PIK3C2G: variants seen among roughly 807,000 people sequenced by gnomAD.
The protein encoded by PIK3C2G is phosphatidylinositol-4-phosphate 3-kinase catalytic subunit type 2 gamma.
Under a neutral mutation model 181.1 loss-of-function variants are expected in PIK3C2G, and 168 were observed. The observed-to-expected ratio is 0.93, with a 90% confidence interval of 0.82 to 1.05. The LOEUF (loss-of-function observed/expected upper bound fraction) is 1.05, where lower values mean the gene tolerates loss of function less well. PIK3C2G is among the 50% of genes least tolerant of loss of function. PIK3C2G has a pLI of 0.00. For synonymous variants in PIK3C2G, 573 were observed against 592.2 expected, an observed-to-expected ratio of 0.97 and a Z score of 0.47; for missense variants, 1,869 against 1,732.8, an observed-to-expected ratio of 1.08 and a Z score of -1.40.
chr12:18,435,383 C>A (rs1946392744), intron 18 of PIK3C2G, among the ~76,000 whole-genome samples: 1 of 152,092 alleles, frequency 6.6e-6, no homozygotes, highest in Admixed American at 6.6e-5. Flanking sequence ...TCTTACCTAT[C>A]CCCAGTCCAT....
intron 22 of PIK3C2G, 104 bp from the exon 23 acceptor site, chr12:18,503,177 A>G: frequency 1.4e-6 from 1 of 704,632 alleles, no homozygotes; most frequent in Non-Finnish European, 2.2e-6. Flanking sequence ...TGAAAAGGAA[A>G]GGGGTAATCC....
intron 13 of PIK3C2G, among the ~76,000 whole-genome samples, chr12:18,381,018 T>A (rs564272161): frequency 6.6e-6 from 1 of 152,204 alleles, no homozygotes; most frequent in South Asian, 2.1e-4. Context: ...ACTGGAACAT[T>A]TTACTGATAT....
chr12:18,329,695 A>G (rs1378461372), intron 8 of PIK3C2G, among the ~76,000 whole-genome samples: 1 of 152,044 alleles, frequency 6.6e-6, no homozygotes, highest in Non-Finnish European at 1.5e-5. Context: ...TTGAAATAAT[A>G]TCACGAGGTT....
upstream of PIK3C2G, among the ~76,000 whole-genome samples, chr12:18,242,982 C>G (rs1290282173): frequency 6.6e-6 from 1 of 152,068 alleles, no homozygotes; most frequent in East Asian, 1.9e-4. Context: ...ACGAAACGAG[C>G]CTCTGACCTT....
Position 18,390,025 on chromosome 12 carries a change from G to A in PIK3C2G, c.1996-1097G>A, listed in dbSNP as rs536162553. On this transcript the variant is annotated intron_variant, in intron 14 of 32. Transcript: ENST00000538779. ...TAAGGTACCAAAGTTCATCTTTCAAGATTAATCTTTGTCAAGAGGCAAACT... is the reference window on the plus strand; with the variant it reads ...TAAGGTACCAAAGTTCATCTTTCAAAATTAATCTTTGTCAAGAGGCAAACT... Among the ~76,000 whole-genome samples, 12 of 152,234 alleles carry A rather than the reference G, an allele frequency of 7.9e-5. No individual in the cohort carries two copies. The East Asian group carries it at 2.3e-3, about 29-fold the overall frequency.
At chr12:18,427,281 G>A (rs187529634) in intron 18 of PIK3C2G, among the ~76,000 whole-genome samples, 121 of 151,790 alleles carry the variant, frequency 8.0e-4, no homozygotes, top group African/African-American at 2.8e-3. Context: ...CAAGGCTGGT[G>A]GATCACCTGA....
intron 26 of PIK3C2G, among the ~76,000 whole-genome samples, chr12:18,554,574 A>G (rs1944902345): frequency 6.6e-6 from 1 of 152,068 alleles, no homozygotes; most frequent in African/African-American, 2.4e-5. Context: ...CATAGAAATG[A>G]ATTGTTTTAT....
At chr12:18,391,352 C>T in intron 15 of PIK3C2G, 100 bp downstream of exon 15, 1 of 807,544 alleles carries the variant, frequency 1.2e-6, no homozygotes, top group Non-Finnish European at 1.8e-6. Context: ...GTGTTCCTTC[C>T]TACATAACTG....
At chr12:18,470,518 T>A (rs73068575) in intron 18 of PIK3C2G, among the ~76,000 whole-genome samples, 1 of 152,128 alleles carries the variant, frequency 6.6e-6, no homozygotes, top group African/African-American at 2.4e-5. Flanking sequence ...TAGAAAGTTG[T>A]GCACTTTAAA....
intron 18 of PIK3C2G, among the ~76,000 whole-genome samples, chr12:18,458,732 T>C (rs80129445): frequency 0.011 from 1,673 of 151,674 alleles, 30 homozygotes; most frequent in African/African-American, 0.039. Flanking sequence ...AGATTCAAAG[T>C]GCAAGCAGAA....
chr12:18,372,203 G>C (rs906043797), intron 13 of PIK3C2G, among the ~76,000 whole-genome samples: 2 of 152,028 alleles, frequency 1.3e-5, no homozygotes, highest in African/African-American at 2.4e-5. Flanking sequence ...GTATGTGTGT[G>C]TGTGTGTGTG....
intron 11 of PIK3C2G, among the ~76,000 whole-genome samples, chr12:18,350,948 G>C (rs1038820576): frequency 5.3e-5 from 8 of 152,038 alleles, no homozygotes; most frequent in African/African-American, 1.9e-4. Context: ...ATAGGAGTGA[G>C]CATATAATTA....
Position 18,282,534 on chromosome 12 carries a change from G to T in PIK3C2G, c.453G>T (p.Leu151Phe). The T allele has an allele frequency of 6.2e-7, 1 of 1,611,042 alleles. No individual in the cohort carries two copies. The highest frequency in any genetic ancestry group is 8.5e-7 in the Non-Finnish European group (1 of 1,177,846). ...TTTTAGCTCCATCATTCACAAGTTT[G>T]GATAAAATTAATCTAGAGAAAGAAT... ...FSILAPSFTSLDKINLEKELE... is the reference protein window; with the variant it reads ...FSILAPSFTSFDKINLEKELE... The change falls in exon 2 of 33, where the codon TTG (leucine) becomes TTT (phenylalanine). Residue 151 changes from leucine to phenylalanine, a missense_variant. Transcript: ENST00000538779.
intron 3 of PIK3C2G, among the ~76,000 whole-genome samples, chr12:18,288,393 A>G (rs2137173287): frequency 6.6e-6 from 1 of 152,334 alleles, no homozygotes; most frequent in East Asian, 1.9e-4. Flanking sequence ...AATTTAAAAT[A>G]AACAAGTAAA....
chr12:18,649,051 C>T (rs1206415978), downstream of PIK3C2G, among the ~76,000 whole-genome samples: 1 of 152,126 alleles, frequency 6.6e-6, no homozygotes, highest in East Asian at 1.9e-4. Flanking sequence ...GATATGGGCT[C>T]ATTTGAAATA....
At chr12:18,455,355 G>A (rs1021596940) in intron 18 of PIK3C2G, among the ~76,000 whole-genome samples, 1 of 152,090 alleles carries the variant, frequency 6.6e-6, no homozygotes, top group Admixed American at 6.6e-5. Flanking sequence ...GAAGGGGAGG[G>A]GGGTGGCGGT....
chr12:18,325,498 A>G (rs1046983406), intron 8 of PIK3C2G, among the ~76,000 whole-genome samples: 1 of 151,870 alleles, frequency 6.6e-6, no homozygotes, highest in African/African-American at 2.4e-5. Context: ...CACGAGGTCA[A>G]GAGATCGAGA....
chr12:18,717,329 C>T, the PIK3C2G span, among the ~76,000 whole-genome samples: 13 of 151,990 alleles, frequency 8.6e-5, no homozygotes, highest in African/African-American at 2.9e-4. Flanking sequence ...TAAATGAATA[C>T]ATTTCAAAAT....
the PIK3C2G span, among the ~76,000 whole-genome samples, chr12:18,710,935 T>G: frequency 6.4e-4 from 98 of 152,054 alleles, no homozygotes; most frequent in Middle Eastern, 0.01. Flanking sequence ...CACTGTTGGT[T>G]GGACTGTAAA....
Sources: gnomAD v4.1 joint callset for allele counts (sites outside exome capture counted in the v4.1 genomes callset) on GRCh38, gnomAD v4.1.1 for gene constraint, MANE v1.5 for transcripts, NCBI Gene and HGNC (gene_info 2026-07-23, HGNC 2026-07-21) for gene names.